Variants in STRN observed in about 807,000 individuals in gnomAD.
The protein encoded by STRN is protein phosphatase 2 regulatory subunit B'''alpha.
In STRN, 53 loss-of-function variants were observed where a neutral mutation model predicts 96.3. The observed-to-expected ratio is 0.55, with a 90% CI of 0.44 to 0.69. The LOEUF is 0.69. STRN is among the 30% of genes least tolerant of loss of function. The pLI is 0.00. For synonymous variants in STRN, 428 were observed against 355.9 expected (o/e 1.20, Z -2.28); for missense variants, 987 against 963.9 (o/e 1.02, Z -0.32).
chr2:36,908,563 G>A (rs1339027533), intron 3 of STRN, among the ~76,000 whole-genome samples: 1 of 151,940 alleles, frequency 6.6e-6, no homozygotes, highest in Non-Finnish European at 1.5e-5. Flanking sequence ...CACTAAAAAG[G>A]GTGACTTTTA....
In STRN at chr2:36,888,331, T is replaced by C. The variant is rs370894093; in HGVS notation, c.932-1505A>G. ...AAAGATGGTTTAAAATAAAAGATCG[T>C]GTCACCCTTCTTGCTCAAATCCCTC... On this transcript the variant is annotated intron_variant, in intron 7 of 17. Coordinates refer to ENST00000263918, the MANE Select transcript of STRN (RefSeq NM_003162.4). Among the ~76,000 whole-genome samples the C allele has an allele frequency of 1.4e-4, 22 of 152,288 alleles. 1 individual carries two copies. In the South Asian group the frequency reaches 4.4e-3, roughly 30 times the overall value.
chr2:36,873,892 G>A lies in STRN; in HGVS notation c.1323+3999C>T, dbSNP rs150112025. 6.8e-3 allele frequency among the ~76,000 whole-genome samples: 1,022 copies of A among 150,142 alleles called. 17 individuals are homozygous for A. Among genetic ancestry groups the A allele is most frequent in the African/African-American group, 0.024 (969 of 40,854 alleles). On this transcript the variant is annotated intron_variant, in intron 10 of 17. Transcript: ENST00000263918. ...TGGGAGGCAGAGGTTGCAGTGAGCC[G>A]AGATTACGCCACTGCACTCCAGTCT...
At chr2:36,859,047 T>C (rs1572626937) in intron 13 of STRN, among the ~76,000 whole-genome samples, 1 of 152,128 alleles carries the variant, frequency 6.6e-6, no homozygotes, top group Admixed American at 6.5e-5. Context: ...TGCAAGTAAA[T>C]GTATAAGCAA....
chr2:36,907,747 A>T (rs1422622977), intron 3 of STRN, among the ~76,000 whole-genome samples: 2 of 152,130 alleles, frequency 1.3e-5, no homozygotes, highest in Non-Finnish European at 2.9e-5. Context: ...TTCACTCCAG[A>T]GCCCCAGCAT....
intron 7 of STRN, among the ~76,000 whole-genome samples, chr2:36,890,529 G>A (rs539379956): frequency 2.1e-5 from 3 of 146,256 alleles, no homozygotes; most frequent in Non-Finnish European, 4.5e-5. Context: ...TGTCGCCCAG[G>A]CTGGAGTGCA....
chr2:36,960,962 T>C (rs1216720903), intron 1 of STRN, among the ~76,000 whole-genome samples: 2 of 151,888 alleles, frequency 1.3e-5, no homozygotes, highest in Non-Finnish European at 2.9e-5. Context: ...AGGGGCATGA[T>C]CATAACGCAG....
At chr2:36,948,081 C>CTTTTTTTTTTTTTTTTTTT (rs553351693) in intron 1 of STRN, among the ~76,000 whole-genome samples, 3 of 68,112 alleles carry the variant, frequency 4.4e-5, no homozygotes, top group African/African-American at 1.9e-4. Flanking sequence ...TCAGTGCACT[C>CTTTTTTTTTTTTTTTTTTT]TTTTTTTTTT....
In STRN at chr2:36,874,572, G is replaced by C. The variant is rs1668850877; in HGVS notation, c.1323+3319C>G. ...GAACTTCAAGAAACTTAAATAAAAAGGAAAACAAACCTTGGCTAAAAAAAT... is the reference window on the plus strand; with the variant it reads ...GAACTTCAAGAAACTTAAATAAAAACGAAAACAAACCTTGGCTAAAAAAAT... On this transcript the variant is annotated intron_variant, in intron 10 of 17. Coordinates refer to ENST00000263918, the MANE Select transcript of STRN (RefSeq NM_003162.4). Among the ~76,000 whole-genome samples the C allele has an allele frequency of 2.6e-5, 4 of 151,442 alleles. No individual in the cohort carries two copies. In the South Asian group the frequency reaches 8.3e-4, roughly 32 times the overall value.
At chr2:36,938,967 A>T (rs1176491530) in intron 1 of STRN, among the ~76,000 whole-genome samples, 1 of 151,922 alleles carries the variant, frequency 6.6e-6, no homozygotes, top group African/African-American at 2.4e-5. Context: ...TAAGTGTGTC[A>T]AGTTTTTTTT....
intron 2 of STRN, among the ~76,000 whole-genome samples, chr2:36,924,254 G>A (rs1443051710): frequency 6.6e-6 from 1 of 151,402 alleles, no homozygotes; most frequent in African/African-American, 2.4e-5. Context: ...TACTTGGGAG[G>A]CTGAGGCAGG....
chr2:36,894,367 G>C (rs781532474), intron 6 of STRN, among the ~76,000 whole-genome samples: 1 of 152,116 alleles, frequency 6.6e-6, no homozygotes, highest in Admixed American at 6.5e-5. Flanking sequence ...GTTTTCTCTA[G>C]TAGCTCTCCA....
chr2:36,946,608 T>C (rs1045745158), intron 1 of STRN, among the ~76,000 whole-genome samples: 4 of 152,190 alleles, frequency 2.6e-5, no homozygotes, highest in African/African-American at 7.2e-5. Context: ...AAATTGTTAA[T>C]AGAATTTCTC....
intron 3 of STRN, among the ~76,000 whole-genome samples, chr2:36,915,056 G>T (rs753624617): frequency 6.2e-4 from 93 of 151,136 alleles, no homozygotes; most frequent in Admixed American, 1.2e-3. Context: ...AATTAGCCAG[G>T]CCTGGTGGTG....
At position 36,845,678 on chromosome 2, in the gene STRN, T is replaced by G. The variant is rs1043678130; in HGVS notation, c.*3778A>C. On this transcript the variant is annotated 3_prime_UTR_variant, in exon 18 of 18. Transcript: ENST00000263918. ...ATTTTGGTGAACAAATAATTTCTCC[T>G]TCTACCTGAACTTTACTATAATTAA... is the stretch of plus-strand genomic sequence containing the variant. 1 of 152,100 alleles carries G rather than the reference T, an allele frequency of 6.6e-6. No individual in the cohort carries two copies. The highest frequency in any genetic ancestry group is 2.4e-5 in the African/African-American group (1 of 41,424). The allele number at this position is 152,100 out of a possible 1,614,324, so 9.4% of individuals were successfully genotyped here.
At chr2:36,855,170 T>C in intron 15 of STRN, 42 bp downstream of exon 15, 1 of 1,596,310 alleles carries the variant, frequency 6.3e-7, no homozygotes, top group East Asian at 2.3e-5. Context: ...TTTGATTAAG[T>C]TAAAAAAATA....
At chr2:36,864,848 G>T (rs560757872) in intron 12 of STRN, among the ~76,000 whole-genome samples, 5 of 152,262 alleles carry the variant, frequency 3.3e-5, no homozygotes, top group Admixed American at 3.3e-4. Context: ...AAGTAGCTGG[G>T]ATTACAGGCA....
intron 10 of STRN, among the ~76,000 whole-genome samples, chr2:36,870,025 A>G (rs1033612828): frequency 2.0e-5 from 3 of 152,176 alleles, no homozygotes; most frequent in Non-Finnish European, 2.9e-5. Flanking sequence ...AAATAATACC[A>G]AGTAATTCAA....
chr2:36,891,871 C>G, intron 7 of STRN, among the ~76,000 whole-genome samples: 1 of 152,170 alleles, frequency 6.6e-6, no homozygotes, highest in Middle Eastern at 3.4e-3. Flanking sequence ...AAAAGTTCAA[C>G]AGAATTTTTA....
intron 10 of STRN, among the ~76,000 whole-genome samples, chr2:36,874,319 G>A (rs1490498327): frequency 6.6e-6 from 1 of 150,892 alleles, no homozygotes; most frequent in African/African-American, 2.4e-5. Flanking sequence ...CTTAACTACT[G>A]ACTACAGATT....
Sources: allele counts gnomAD v4.1 joint callset (sites outside exome capture counted in the v4.1 genomes callset), GRCh38; gene constraint gnomAD v4.1.1; transcripts MANE v1.5; gene names NCBI Gene and HGNC (gene_info 2026-07-23, HGNC 2026-07-21).